Variants in ATRNL1 observed in about 807,000 individuals in gnomAD.
ATRNL1 encodes the protein attractin like 1, also known as attractin-like protein 1.
Under a neutral mutation model 182.7 loss-of-function variants are expected in ATRNL1, and 95 were observed. The ratio of observed to expected loss-of-function variants is 0.52; its 90% CI spans 0.44 to 0.62. ATRNL1 has a LOEUF of 0.62. Ranked by LOEUF, ATRNL1 falls within the 20% of genes least tolerant of loss-of-function variation. The probability of loss-of-function intolerance (pLI) is 0.00; values close to 1 mark genes in which losing one functional copy is unlikely to be tolerated. For missense variants in ATRNL1, 1,471 were observed against 1,679.5 expected (o/e 0.88, Z 2.17); for synonymous variants, 576 against 568.3 (o/e 1.01, Z -0.19).
At chr10:115,546,696 G>T (rs150184081) in intron 25 of ATRNL1, among the ~76,000 whole-genome samples, 1 of 152,188 alleles carries the variant, frequency 6.6e-6, no homozygotes, top group African/African-American at 2.4e-5. Flanking sequence ...GGAAAATGCT[G>T]TTGGAAGGGC....
chr10:115,459,745 A>G (rs538676317), intron 21 of ATRNL1, among the ~76,000 whole-genome samples: 55 of 152,026 alleles, frequency 3.6e-4, no homozygotes, highest in African/African-American at 1.2e-3. Flanking sequence ...ACCCACACCT[A>G]TTCGTATACT....
At chr10:115,809,780 A>G (rs1950005678) in intron 27 of ATRNL1, among the ~76,000 whole-genome samples, 1 of 151,892 alleles carries the variant, frequency 6.6e-6, no homozygotes, top group African/African-American at 2.4e-5. Flanking sequence ...CTGTATGCCT[A>G]TTATTTCTTT....
At chr10:115,630,122 T>G (rs1423871780) in intron 26 of ATRNL1, among the ~76,000 whole-genome samples, 3 of 152,096 alleles carry the variant, frequency 2.0e-5, no homozygotes, top group Non-Finnish European at 4.4e-5. Context: ...AGGAGCTGTT[T>G]CCCTTTGTTT....
intron 9 of ATRNL1, among the ~76,000 whole-genome samples, chr10:115,227,414 A>G (rs1469999694): frequency 1.3e-5 from 2 of 152,140 alleles, no homozygotes; most frequent in African/African-American, 4.8e-5. Flanking sequence ...ACAACAACAC[A>G]GCAGATTCTT....
chr10:115,411,634 G>C (rs567836594), intron 20 of ATRNL1, among the ~76,000 whole-genome samples: 4 of 151,944 alleles, frequency 2.6e-5, no homozygotes, highest in Admixed American at 6.6e-5. Flanking sequence ...AGTCTTGAAG[G>C]GTTCTGAGTT....
chr10:115,309,289 TA>T (rs1853896364), intron 17 of ATRNL1, among the ~76,000 whole-genome samples: 2 of 152,080 alleles, frequency 1.3e-5, no homozygotes, highest in Non-Finnish European at 2.9e-5. Context: ...ATTTTAGGAT[TA>T]TTTTTTCTAA....
At chr10:115,496,330 C>T (rs1165806158) in intron 24 of ATRNL1, among the ~76,000 whole-genome samples, 2 of 152,094 alleles carry the variant, frequency 1.3e-5, no homozygotes, top group Non-Finnish European at 2.9e-5. Context: ...AAGTAATGGT[C>T]TTTTTTCTCC....
At chr10:115,558,810 A>G (rs1853481921) in intron 26 of ATRNL1, among the ~76,000 whole-genome samples, 1 of 151,894 alleles carries the variant, frequency 6.6e-6, no homozygotes, top group Admixed American at 6.5e-5. Context: ...AAAATCTACT[A>G]ATTCTCAGTA....
In ATRNL1 at chr10:115,160,172, G is replaced by GTGGATA. The variant is rs1554882928; in HGVS notation, c.964_969dup (p.Gly322_Tyr323dup). On this transcript the variant is annotated inframe_insertion, in exon 6 of 29. Coordinates refer to ENST00000355044, the MANE Select transcript of ATRNL1 (RefSeq NM_207303.4). ...CACGGGAAATTTATGTGGGTGATTG[G>GTGGATA]TGGATATACTTTTAACTACAGTTCT... is the stretch of plus-strand genomic sequence containing the variant. 1 of 1,612,478 alleles carries GTGGATA rather than the reference G, an allele frequency of 6.2e-7. No homozygotes were observed. Among genetic ancestry groups the GTGGATA allele is most frequent in the Non-Finnish European group, 8.5e-7 (1 of 1,178,990 alleles).
intron 26 of ATRNL1, among the ~76,000 whole-genome samples, chr10:115,665,594 A>C (rs369034692): frequency 1.3e-5 from 2 of 152,284 alleles, no homozygotes; most frequent in East Asian, 3.9e-4. Flanking sequence ...TAAAAAATGG[A>C]CACCAATTTA....
chr10:115,240,052 G>T (rs1850352143), intron 9 of ATRNL1, among the ~76,000 whole-genome samples: 1 of 152,046 alleles, frequency 6.6e-6, no homozygotes, highest in African/African-American at 2.4e-5. Flanking sequence ...TGAGGGGGTT[G>T]GGGTAAGTAA....
At chr10:115,558,366 A>G (rs1285328667) in intron 26 of ATRNL1, among the ~76,000 whole-genome samples, 1 of 152,132 alleles carries the variant, frequency 6.6e-6, no homozygotes, top group Non-Finnish European at 1.5e-5. Flanking sequence ...TGAGGTTCTT[A>G]TTGGCTACCC....
chr10:115,338,237 T>A (rs1855584360), intron 19 of ATRNL1, among the ~76,000 whole-genome samples: 1 of 152,162 alleles, frequency 6.6e-6, no homozygotes, highest in Non-Finnish European at 1.5e-5. Flanking sequence ...GTGTCCTATT[T>A]TTAAGGTTTA....
chr10:115,216,650 G>T (rs1849245971), intron 9 of ATRNL1, among the ~76,000 whole-genome samples: 5 of 151,100 alleles, frequency 3.3e-5, no homozygotes, highest in African/African-American at 1.2e-4. Flanking sequence ...TAAAATTTTT[G>T]TTCTAATTTT....
intron 28 of ATRNL1, among the ~76,000 whole-genome samples, chr10:115,889,148 G>A (rs1161204276): frequency 1.3e-5 from 2 of 152,166 alleles, no homozygotes; most frequent in Admixed American, 6.5e-5. Context: ...GAATGGCTGA[G>A]GATTTCAGAA....
At position 115,583,414 on chromosome 10, in the gene ATRNL1, C is replaced by G. The variant is rs572765046; in HGVS notation, c.3795+33878C>G. Among the ~76,000 whole-genome samples, 80 of 108,412 alleles carry G rather than the reference C, an allele frequency of 7.4e-4. 23 individuals are homozygous for G. The highest frequency in any genetic ancestry group is 1.2e-3 in the Non-Finnish European group (59 of 49,128). The allele number at this position is 108,412 out of a possible 152,430, so 71.1% of individuals were successfully genotyped here. ...ATGTTCTTCCATTTGTTTGTATCCT[C>G]TTTTATTTCCTTGAGCAGTGGTTTG... On this transcript the variant is annotated intron_variant, in intron 26 of 28. Transcript: ENST00000355044.
intron 8 of ATRNL1, among the ~76,000 whole-genome samples, chr10:115,175,638 T>C (rs1238287404): frequency 6.6e-6 from 1 of 152,070 alleles, no homozygotes; most frequent in Non-Finnish European, 1.5e-5. Context: ...AGATAAACCA[T>C]GGGCAGTTTC....
chr10:115,344,678 C>G (rs1002386697), intron 19 of ATRNL1, among the ~76,000 whole-genome samples: 5 of 152,312 alleles, frequency 3.3e-5, no homozygotes, highest in Middle Eastern at 3.4e-3. Context: ...TTACTTTTCC[C>G]TGTGCTTTTC....
At chr10:115,656,490 G>A (rs1433118642) in intron 26 of ATRNL1, among the ~76,000 whole-genome samples, 7 of 152,154 alleles carry the variant, frequency 4.6e-5, no homozygotes, top group African/African-American at 7.2e-5. Context: ...ATCTGAGTAA[G>A]TATGGGTGTG....
Sources: gnomAD v4.1 joint callset for allele counts (sites outside exome capture counted in the v4.1 genomes callset) on GRCh38, gnomAD v4.1.1 for gene constraint, MANE v1.5 for transcripts, NCBI Gene and HGNC (gene_info 2026-07-23, HGNC 2026-07-21) for gene names.